SNX29: variants seen among roughly 807,000 people sequenced by gnomAD.
SNX29 encodes the protein sorting nexin 29.
SNX29 carries 78 observed loss-of-function variants against 102.1 expected under a neutral mutation model. That is an observed-to-expected ratio of 0.76 (90% CI 0.64 to 0.92). The LOEUF (loss-of-function observed/expected upper bound fraction) is 0.92. Among genes scored for constraint, SNX29 ranks in the 40% least tolerant of loss-of-function variants. The pLI, the probability that SNX29 is intolerant of heterozygous loss-of-function variation, is 0.00. For missense variants in SNX29, 1,280 were observed against 1,061.7 expected (o/e 1.21, Z -2.86); for synonymous variants, 580 against 414.5 (o/e 1.40, Z -4.85).
chr16:12,288,278 G>A (rs1289349253), intron 15 of SNX29, among the ~76,000 whole-genome samples: 2 of 152,096 alleles, frequency 1.3e-5, no homozygotes, highest in African/African-American at 4.8e-5. Flanking sequence ...CCATTATCAT[G>A]GCAACATCCA....
chr16:12,526,640 G>A (rs1334583675), intron 20 of SNX29: 2 of 527,636 alleles, frequency 3.8e-6, no homozygotes. Flanking sequence ...CAGGGTGCAC[G>A]GGGGAATTAG....
intron 11 of SNX29, chr16:12,087,816 A>T (rs1287314498): frequency 2.2e-6 from 1 of 456,688 alleles, no homozygotes; most frequent in South Asian, 1.5e-5. Context: ...ATCCAGCTGT[A>T]TCCTCTTTCC....
At chr16:12,294,042 C>T (rs902315464) in intron 15 of SNX29, among the ~76,000 whole-genome samples, 3 of 152,240 alleles carry the variant, frequency 2.0e-5, no homozygotes, top group Admixed American at 2.0e-4. Flanking sequence ...CTCACAGCCA[C>T]TCTCCGGGGA....
rs192596237 is a variant in SNX29 at position 12,167,167 on chromosome 16, G to A, written c.1596-32434G>A. 5.4e-4 allele frequency among the ~76,000 whole-genome samples: 83 copies of A among 152,306 alleles called. 1 individual carries two copies. The highest frequency in any genetic ancestry group is 7.5e-4 in the Non-Finnish European group (51 of 68,018). ...TGGCCATCTCATAGCTGGTGAGGTC[G>A]TTCTTCCCATTTGGAAACTGTTTTT... On this transcript the variant is annotated intron_variant, in intron 13 of 20. Coordinates refer to ENST00000566228, the MANE Select transcript of SNX29 (RefSeq NM_032167.5).
intron 16 of SNX29, among the ~76,000 whole-genome samples, chr16:12,377,290 C>G (rs1317441191): frequency 6.6e-6 from 1 of 152,196 alleles, no homozygotes; most frequent in East Asian, 1.9e-4. Context: ...AGATTTCTGT[C>G]TCTTTCATGT....
At chr16:12,202,650 A>G (rs2076941335) in intron 14 of SNX29, among the ~76,000 whole-genome samples, 1 of 152,250 alleles carries the variant, frequency 6.6e-6, no homozygotes, top group South Asian at 2.1e-4. Context: ...AGTGTAGGGA[A>G]GTTTCACTTA....
At position 12,573,500 on chromosome 16, in the gene SNX29, G is replaced by C. The variant is rs551746167; in HGVS notation, c.*4871G>C. Reference sequence around the variant, plus strand: ...GCGGAAGATTCTAGATTCACTGGTGGTTTAAGAGGCCCAGGGATTTAGTTC... The same window carrying C: ...GCGGAAGATTCTAGATTCACTGGTGCTTTAAGAGGCCCAGGGATTTAGTTC... On this transcript the variant is annotated 3_prime_UTR_variant, in exon 21 of 21. Coordinates refer to ENST00000566228, the MANE Select transcript of SNX29 (RefSeq NM_032167.5). 104 of 224,824 alleles carry C rather than the reference G, an allele frequency of 4.6e-4. 1 individual carries two copies. The highest frequency in any genetic ancestry group is 2.1e-3 in the African/African-American group (94 of 45,026). The allele number at this position is 224,824 out of a possible 1,614,324, so 13.9% of individuals were successfully genotyped here.
intron 18 of SNX29, among the ~76,000 whole-genome samples, chr16:12,448,920 A>G (rs577387785): frequency 2.6e-5 from 4 of 152,288 alleles, no homozygotes; most frequent in South Asian, 4.1e-4. Flanking sequence ...GGCTCTACCC[A>G]TAGGTACCAG....
intron 20 of SNX29, among the ~76,000 whole-genome samples, chr16:12,548,182 C>T (rs373915358): frequency 2.0e-5 from 3 of 152,224 alleles, no homozygotes; most frequent in South Asian, 2.1e-4. Context: ...TGCTCTCTTG[C>T]TCATCCCACA....
At chr16:12,227,240 C>T (rs1434550551) in intron 14 of SNX29, among the ~76,000 whole-genome samples, 1 of 152,216 alleles carries the variant, frequency 6.6e-6, no homozygotes, top group African/African-American at 2.4e-5. Context: ...ATGTTCCGAT[C>T]ATGACCGTGT....
chr16:12,432,972 C>A (rs1479556875), intron 18 of SNX29, among the ~76,000 whole-genome samples: 2 of 152,174 alleles, frequency 1.3e-5, no homozygotes, highest in Non-Finnish European at 2.9e-5. Context: ...GGGCCTGGGC[C>A]ATGGCATGGG....
At chr16:12,161,711 ATTAG>A (rs985128503) in intron 13 of SNX29, among the ~76,000 whole-genome samples, 1 of 152,104 alleles carries the variant, frequency 6.6e-6, no homozygotes, top group East Asian at 1.9e-4. Flanking sequence ...TTCTTGCTCT[ATTAG>A]TTAATGCCAG....
At chr16:12,357,760 C>G (rs999509181) in intron 16 of SNX29, among the ~76,000 whole-genome samples, 1 of 152,142 alleles carries the variant, frequency 6.6e-6, no homozygotes, top group African/African-American at 2.4e-5. Context: ...CCACTACTGT[C>G]TTAGGTTTCT....
chr16:12,516,355 C>CT (rs2089864062), intron 19 of SNX29, among the ~76,000 whole-genome samples: 1 of 151,998 alleles, frequency 6.6e-6, no homozygotes, highest in South Asian at 2.1e-4. Flanking sequence ...TGGTGTGCAC[C>CT]TGTAGTCCCA....
intron 15 of SNX29, among the ~76,000 whole-genome samples, chr16:12,326,608 C>T (rs2081128093): frequency 6.6e-6 from 1 of 152,196 alleles, no homozygotes; most frequent in Non-Finnish European, 1.5e-5. Context: ...AAAACGGGCA[C>T]TGGGGCTGGC....
At chr16:12,272,932 A>C (rs749386981) in intron 14 of SNX29, among the ~76,000 whole-genome samples, 2 of 152,176 alleles carry the variant, frequency 1.3e-5, no homozygotes, top group African/African-American at 2.4e-5. Context: ...AAACACACGC[A>C]ACACGCAGCT....
At position 12,021,425 on chromosome 16, in the gene SNX29, C is replaced by CA. The variant is rs35268435; in HGVS notation, c.123-5883dup. On this transcript the variant is annotated intron_variant, in intron 3 of 20. Transcript: ENST00000566228. ...TGGGCAACAGAGCGAGACTCTGACT[C>CA]AAAAAAAAAAAATCAAGTAAATAGG... 7.2e-3 allele frequency among the ~76,000 whole-genome samples: 1,059 copies of CA among 146,392 alleles called. 15 individuals carry two copies. Among genetic ancestry groups the CA allele is most frequent in the East Asian group, 0.043 (210 of 4,850 alleles).
chr16:12,369,053 A>G (rs1411391612), intron 16 of SNX29, among the ~76,000 whole-genome samples: 1 of 150,684 alleles, frequency 6.6e-6, no homozygotes, highest in Non-Finnish European at 1.5e-5. Context: ...CTGCCCCCAG[A>G]CTCCACTCAC....
intron 13 of SNX29, among the ~76,000 whole-genome samples, chr16:12,167,681 T>C (rs2076048809): frequency 6.6e-6 from 1 of 152,196 alleles, no homozygotes; most frequent in South Asian, 2.1e-4. Context: ...GAAGTACCAC[T>C]GCCCTCTTAG....
Sources: gnomAD v4.1 joint callset for allele counts (sites outside exome capture counted in the v4.1 genomes callset) on GRCh38, gnomAD v4.1.1 for gene constraint, MANE v1.5 for transcripts, NCBI Gene and HGNC (gene_info 2026-07-23, HGNC 2026-07-21) for gene names.